Variants in ST8SIA1 observed in about 807,000 individuals in gnomAD.
ST8SIA1 encodes the protein alpha-N-acetylneuraminide alpha-2,8-sialyltransferase.
Under a neutral mutation model 35.9 loss-of-function variants are expected in ST8SIA1, and 16 were observed. That is an observed-to-expected ratio of 0.45 (90% CI 0.30 to 0.68). The LOEUF (loss-of-function observed/expected upper bound fraction) is 0.68, where lower values mean the gene tolerates loss of function less well. ST8SIA1 is among the 30% of genes least tolerant of loss of function. The pLI is 0.09. For missense variants in ST8SIA1, 383 were observed against 453.6 expected, an observed-to-expected ratio of 0.84 and a Z score of 1.41; for synonymous variants, 170 against 169.6, an observed-to-expected ratio of 1.00 and a Z score of -0.02.
At chr12:22,280,044 C>T (rs1866015772) in intron 2 of ST8SIA1, among the ~76,000 whole-genome samples, 1 of 152,168 alleles carries the variant, frequency 6.6e-6, no homozygotes, top group Non-Finnish European at 1.5e-5. Context: ...ATAGTCATAC[C>T]TCTTGATTAT....
At chr12:22,231,987 G>A (rs1865426806) in intron 4 of ST8SIA1, among the ~76,000 whole-genome samples, 1 of 152,168 alleles carries the variant, frequency 6.6e-6, no homozygotes, top group South Asian at 2.1e-4. Context: ...GGAAAAGAAT[G>A]GTTGCTAGGG....
Position 22,201,715 on chromosome 12 carries a change from T to A in ST8SIA1, c.908A>T (p.His303Leu). The A allele has an allele frequency of 6.2e-7, 1 of 1,614,092 alleles. No individual in the cohort carries two copies. The change falls in exon 5 of 5, where the codon CAT becomes CTT. Residue 303 changes from histidine to leucine, a missense_variant. Coordinates refer to ENST00000396037, the MANE Select transcript of ST8SIA1 (RefSeq NM_003034.4). ...YGFWPFSVNMHEQPISHHYYD... is the reference protein window; with the variant it reads ...YGFWPFSVNMLEQPISHHYYD... ...GTAGTGGTGGCTGATGGGCTGCTCA[T>A]GCATATTCACAGAGAAGGGCCAGAA...
chr12:22,243,446 A>AT, intron 4 of ST8SIA1, among the ~76,000 whole-genome samples: 1 of 152,092 alleles, frequency 6.6e-6, no homozygotes, highest in East Asian at 1.9e-4. Flanking sequence ...TATTTCCTCC[A>AT]TTTTACTGTG....
At chr12:22,273,650 T>C (rs1865937885) in intron 2 of ST8SIA1, among the ~76,000 whole-genome samples, 1 of 152,180 alleles carries the variant, frequency 6.6e-6, no homozygotes, top group Non-Finnish European at 1.5e-5. Context: ...TCTCTATTAA[T>C]GAACTCCAAG....
chr12:22,259,045 A>G (rs1865757372), intron 2 of ST8SIA1, among the ~76,000 whole-genome samples: 1 of 152,176 alleles, frequency 6.6e-6, no homozygotes, highest in Admixed American at 6.5e-5. Flanking sequence ...TAACCAAGCC[A>G]CTGGCATGGA....
intron 1 of ST8SIA1, among the ~76,000 whole-genome samples, chr12:22,321,028 A>AAGAAAGAAAG (rs1866592266): frequency 1.5e-5 from 1 of 65,318 alleles, no homozygotes; most frequent in Non-Finnish European, 3.3e-5. Flanking sequence ...GAAAGAAAGA[A>AAGAAAGAAAG]AGAAAGAGAA....
At position 22,201,796 on chromosome 12, in the gene ST8SIA1, C is replaced by T; in HGVS notation, c.827G>A (p.Gly276Glu). The T allele has an allele frequency of 6.2e-7, 1 of 1,614,122 alleles. No individual in the cohort carries two copies. The highest frequency in any genetic ancestry group is 8.5e-7 in the Non-Finnish European group (1 of 1,179,996). The change falls in exon 5 of 5, where the codon GGA (glycine) becomes GAA (glutamate). Residue 276 changes from glycine (G) to glutamate (E), a missense_variant. Transcript: ENST00000396037. ...CAGAGCTGCGCTCACCAGAAAAAGT[C>T]CTGTGGACAGGCGCTTGGCATGGAT... ...RGIHAKRLST[G>E]LFLVSAALGL... is the part of the protein sequence containing the mutation.
chr12:22,248,968 A>G, intron 4 of ST8SIA1, 38 bp downstream of exon 4: 1 of 1,476,494 alleles, frequency 6.8e-7, no homozygotes, highest in Non-Finnish European at 9.5e-7. Context: ...AGAAGACTTC[A>G]TCTTCGTTCG....
At chr12:22,263,335 T>A (rs1865813229) in intron 2 of ST8SIA1, among the ~76,000 whole-genome samples, 1 of 152,174 alleles carries the variant, frequency 6.6e-6, no homozygotes. Flanking sequence ...GCTGAGTAAT[T>A]TTTCACCTAC....
intron 1 of ST8SIA1, among the ~76,000 whole-genome samples, chr12:22,328,229 G>A (rs765988072): frequency 2.0e-5 from 3 of 152,206 alleles, no homozygotes; most frequent in Non-Finnish European, 4.4e-5. Flanking sequence ...CTGCCAGAGT[G>A]CTGGACACAC....
chr12:22,202,249 A>C (rs761588115), intron 4 of ST8SIA1, among the ~76,000 whole-genome samples: 7 of 152,134 alleles, frequency 4.6e-5, no homozygotes, highest in Non-Finnish European at 8.8e-5. Context: ...ACTTCTTAAA[A>C]CGCAGTTAAC....
Position 22,236,119 on chromosome 12 carries a change from CCTG to C in ST8SIA1, c.584+12884_584+12886del, listed in dbSNP as rs1865473815. Among the ~76,000 whole-genome samples, 6 of 152,284 alleles carry C rather than the reference CCTG, an allele frequency of 3.9e-5. No homozygotes were observed. The South Asian group carries it at 1.2e-3, about 32-fold the overall frequency. The stretch of plus-strand genomic sequence containing the variant: ...GCCTAAGTTTCCCAAAGATTTCTCT[CCTG>C]CTCCTTTACCACGTCTCCCTTCTCT... On this transcript the variant is annotated intron_variant, in intron 4 of 4. Transcript: ENST00000396037.
At chr12:22,333,593 G>A (rs1329339010) in intron 1 of ST8SIA1, among the ~76,000 whole-genome samples, 8 of 152,352 alleles carry the variant, frequency 5.3e-5, no homozygotes, top group Middle Eastern at 6.8e-3. Flanking sequence ...ACCTCGGGGA[G>A]ATGCCTTTTA....
intron 4 of ST8SIA1, among the ~76,000 whole-genome samples, chr12:22,227,967 T>C (rs1333471484): frequency 6.6e-6 from 1 of 152,182 alleles, no homozygotes; most frequent in Non-Finnish European, 1.5e-5. Flanking sequence ...GAGATAAAAA[T>C]TGCACCTCCA....
chr12:22,257,652 A>C (rs1865743421), intron 2 of ST8SIA1, among the ~76,000 whole-genome samples: 1 of 151,906 alleles, frequency 6.6e-6, no homozygotes, highest in African/African-American at 2.4e-5. Context: ...CTAAGGAGAA[A>C]ACATTCCTGG....
chr12:22,208,174 C>T (rs1397034163), intron 4 of ST8SIA1, among the ~76,000 whole-genome samples: 10 of 143,258 alleles, frequency 7.0e-5, no homozygotes, highest in Non-Finnish European at 1.5e-4. Context: ...AATAATAAAA[C>T]AATTATCATC....
intron 4 of ST8SIA1, among the ~76,000 whole-genome samples, chr12:22,225,670 C>T (rs1392317918): frequency 6.6e-6 from 1 of 152,152 alleles, no homozygotes; most frequent in Non-Finnish European, 1.5e-5. Flanking sequence ...ATTAAGGCAA[C>T]TCTATAACTG....
chr12:22,235,472 G>A (rs1865467080), intron 4 of ST8SIA1, among the ~76,000 whole-genome samples: 1 of 152,140 alleles, frequency 6.6e-6, no homozygotes, highest in Non-Finnish European at 1.5e-5. Context: ...CCGTTTTCAT[G>A]AGGATAATGA....
chr12:22,219,230 C>T (rs1865269253), intron 4 of ST8SIA1, among the ~76,000 whole-genome samples: 1 of 152,130 alleles, frequency 6.6e-6, no homozygotes, highest in South Asian at 2.1e-4. Context: ...TAACATACCA[C>T]AAATGTAAAT....
Sources: gnomAD v4.1 joint callset for allele counts (sites outside exome capture counted in the v4.1 genomes callset) on GRCh38, gnomAD v4.1.1 for gene constraint, MANE v1.5 for transcripts, NCBI Gene and HGNC (gene_info 2026-07-23, HGNC 2026-07-21) for gene names.